ENTREP2: variants seen among roughly 807,000 people sequenced by gnomAD.
ENTREP2 encodes the protein protein ENTREP2.
chr15:29,136,216 T>C, the ENTREP2 span: 2 of 770,622 alleles, frequency 2.6e-6, no homozygotes, highest in East Asian at 6.3e-5. Context: ...GATGAATGCA[T>C]CCGGGGGCCT....
chr15:29,473,230 C>A, the ENTREP2 span, among the ~76,000 whole-genome samples: 1 of 151,980 alleles, frequency 6.6e-6, no homozygotes, highest in African/African-American at 2.4e-5. Context: ...GCTGCTCCCA[C>A]CCCCTCCTTT....
At chr15:29,629,343 G>C in the ENTREP2 span, among the ~76,000 whole-genome samples, 1 of 152,058 alleles carries the variant, frequency 6.6e-6, no homozygotes, top group Middle Eastern at 3.4e-3. Context: ...TTTTATTATT[G>C]ATCTCCTGTG....
the ENTREP2 span, among the ~76,000 whole-genome samples, chr15:29,128,295 A>C: frequency 1.1e-4 from 17 of 151,388 alleles, no homozygotes; most frequent in African/African-American, 3.9e-4. Flanking sequence ...CGCGACACCC[A>C]CCCTCTGTGT....
chr15:29,556,787 T>G, the ENTREP2 span, among the ~76,000 whole-genome samples: 1 of 130,926 alleles, frequency 7.6e-6, no homozygotes, highest in Non-Finnish European at 1.6e-5. Flanking sequence ...CACATGTGGA[T>G]TCAGTTCCCC....
At chr15:29,666,412 C>A in the ENTREP2 span, among the ~76,000 whole-genome samples, 3 of 151,888 alleles carry the variant, frequency 2.0e-5, no homozygotes, top group Non-Finnish European at 2.9e-5. Context: ...CACCTCCCCC[C>A]ACTCACCCCC....
At chr15:29,268,814 T>C in the ENTREP2 span, 2 of 1,610,962 alleles carry the variant, frequency 1.2e-6, no homozygotes, top group Non-Finnish European at 1.7e-6. Context: ...GCTGGGCCAC[T>C]AGGCTGAGGT....
the ENTREP2 span, among the ~76,000 whole-genome samples, chr15:29,657,475 T>G: frequency 1.1e-3 from 4 of 3,806 alleles, no homozygotes; most frequent in African/African-American, 1.3e-3. Context: ...CGCTGTCGGC[T>G]GGGGGGGCGG....
the ENTREP2 span, among the ~76,000 whole-genome samples, chr15:29,356,284 ATATATATATATATTTTTTT>A: frequency 2.0e-5 from 1 of 50,288 alleles, no homozygotes; most frequent in Non-Finnish European, 3.8e-5. Context: ...ATATATATAT[ATATATATATATATTTTTTT>A]TTTTTTTTTT....
chr15:29,382,335 G>GCCACCTGC, the ENTREP2 span, among the ~76,000 whole-genome samples: 1 of 151,598 alleles, frequency 6.6e-6, no homozygotes, highest in Non-Finnish European at 1.5e-5. Context: ...GGGCCACCTG[G>GCCACCTGC]CCACCTGCCA....
the ENTREP2 span, among the ~76,000 whole-genome samples, chr15:29,488,790 G>A: frequency 6.6e-6 from 1 of 152,166 alleles, no homozygotes; most frequent in Non-Finnish European, 1.5e-5. Context: ...TGGGCAGGAT[G>A]GGGGTGATGC....
At chr15:29,254,243 T>C in the ENTREP2 span, among the ~76,000 whole-genome samples, 1 of 147,358 alleles carries the variant, frequency 6.8e-6, no homozygotes, top group South Asian at 2.2e-4. Flanking sequence ...TGCCTTTCAA[T>C]GTCTTTATGC....
chr15:29,520,750 C>T, the ENTREP2 span, among the ~76,000 whole-genome samples: 1 of 152,126 alleles, frequency 6.6e-6, no homozygotes. Flanking sequence ...ATACAAGATG[C>T]AACTGTATTT....
chr15:29,246,099 G>T, the ENTREP2 span, among the ~76,000 whole-genome samples: 6 of 152,158 alleles, frequency 3.9e-5, no homozygotes, highest in African/African-American at 1.4e-4. Context: ...TATGTACAAA[G>T]AATACTATTC....
the ENTREP2 span, among the ~76,000 whole-genome samples, chr15:29,585,679 A>G: frequency 1.3e-5 from 2 of 150,904 alleles, no homozygotes; most frequent in African/African-American, 4.9e-5. Flanking sequence ...ATACGGGGAA[A>G]CCCCGTCTCT....
the ENTREP2 span, chr15:29,268,494 T>C: frequency 2.8e-6 from 1 of 356,538 alleles, no homozygotes; most frequent in East Asian, 4.4e-5. Context: ...TGTTCCTTCT[T>C]GCATTATCTG....
the ENTREP2 span, among the ~76,000 whole-genome samples, chr15:29,483,743 T>A: frequency 6.6e-6 from 1 of 152,252 alleles, no homozygotes; most frequent in East Asian, 1.9e-4. Flanking sequence ...CCTTCGCTAT[T>A]GTGTCAACTA....
the ENTREP2 span, among the ~76,000 whole-genome samples, chr15:29,279,940 G>GA: frequency 5.8e-4 from 84 of 144,962 alleles, no homozygotes; most frequent in African/African-American, 1.6e-3. Flanking sequence ...TGCTCGCCTG[G>GA]AAAAAAAAAA....
the ENTREP2 span, among the ~76,000 whole-genome samples, chr15:29,563,396 CTAAGAA>C: frequency 2.6e-5 from 4 of 151,768 alleles, no homozygotes; most frequent in African/African-American, 4.8e-5. Flanking sequence ...TCTGTGCTTC[CTAAGAA>C]TATCTATTTG....
the ENTREP2 span, chr15:29,196,477 G>C: frequency 6.4e-7 from 1 of 1,551,752 alleles, no homozygotes; most frequent in Non-Finnish European, 8.7e-7. Context: ...AGCGGGTTCA[G>C]CTTCAGCGTC....
Sources: allele counts gnomAD v4.1 joint callset (sites outside exome capture counted in the v4.1 genomes callset), GRCh38; gene constraint gnomAD v4.1.1; transcripts MANE v1.5; gene names NCBI Gene and HGNC (gene_info 2026-07-23, HGNC 2026-07-21).